The following POLR2H variants were observed in gnomAD, a reference collection of about 807,000 sequenced individuals.
The protein encoded by POLR2H is RNA polymerase II, I and III subunit H.
Under a neutral mutation model 18.1 loss-of-function variants are expected in POLR2H, and 3 were observed. The ratio of observed to expected loss-of-function variants is 0.17; its 90% CI spans 0.08 to 0.43. POLR2H has a LOEUF of 0.43. Ranked by LOEUF, POLR2H falls within the 20% of genes least tolerant of loss-of-function variation. The pLI is 0.99. For missense variants in POLR2H, 103 were observed against 184.6 expected (o/e 0.56, Z 2.56); for synonymous variants, 76 against 69.0 (o/e 1.10, Z -0.50).
At position 184,365,396 on chromosome 3, in the gene POLR2H, C is replaced by G. The variant is rs903359860; in HGVS notation, c.251+170C>G. Reference sequence around the variant, plus strand: ...TTCAAACAGGCCAGGCACCGTGGCTCACACCTGTAACCCAAGCACTTTGGG... The same window carrying G: ...TTCAAACAGGCCAGGCACCGTGGCTGACACCTGTAACCCAAGCACTTTGGG... On this transcript the variant is annotated intron_variant, in intron 4 of 5. Coordinates refer to ENST00000456318, the MANE Select transcript of POLR2H (RefSeq NM_006232.5). 1.6e-5 allele frequency: 10 copies of G among 634,484 alleles called. 1 individual carries two copies. The highest frequency in any genetic ancestry group is 1.3e-4 in the African/African-American group (7 of 55,094). 39.3% of individuals were successfully genotyped at this position (634,484 alleles called of 1,614,324 possible).
chr3:184,367,573 G>A (rs532787842), intron 5 of POLR2H, among the ~76,000 whole-genome samples: 71 of 150,820 alleles, frequency 4.7e-4, no homozygotes, highest in African/African-American at 1.6e-3. Flanking sequence ...TGCAAGCTCC[G>A]CCTCCCGGGT....
At position 184,365,203 on chromosome 3, in the gene POLR2H, C is replaced by A; in HGVS notation, c.228C>A (p.Asn76Lys). 6.2e-7 allele frequency: 1 copy of A among 1,610,980 alleles called. No individual in the cohort carries two copies. The highest frequency in any genetic ancestry group is 8.5e-7 in the Non-Finnish European group (1 of 1,177,136). Residue 76 changes from asparagine to lysine, a missense_variant, in exon 4 of 6, where the codon AAC (asparagine) becomes AAA (lysine). Coordinates refer to ENST00000456318, the MANE Select transcript of POLR2H (RefSeq NM_006232.5). ...GTACCCTGGATGATGGTGAATACAA[C>A]CCCACTGATGATAGGCCTTCCAGGT... is the stretch of plus-strand genomic sequence containing the variant. ...EDGTLDDGEYNPTDDRPSRAD... is the reference protein window; with the variant it reads ...EDGTLDDGEYKPTDDRPSRAD...
At chr3:184,365,920 G>T (rs1577344994) in intron 4 of POLR2H, among the ~76,000 whole-genome samples, 1 of 147,542 alleles carries the variant, frequency 6.8e-6, no homozygotes, top group East Asian at 2.0e-4. Context: ...AGCTTGCAGT[G>T]AGCCGAGATC....
chr3:184,367,942 A>G (rs1413437196), intron 5 of POLR2H, among the ~76,000 whole-genome samples: 3 of 132,498 alleles, frequency 2.3e-5, no homozygotes, highest in African/African-American at 6.0e-5. Flanking sequence ...ATATCTGTGC[A>G]TTGATGTTTG....
intron 4 of POLR2H, among the ~76,000 whole-genome samples, chr3:184,365,868 T>C (rs937376145): frequency 1.4e-5 from 2 of 145,154 alleles, no homozygotes; most frequent in East Asian, 2.0e-4. Flanking sequence ...CCCAGCTACT[T>C]GGGAGGCTGA....
rs1291722817 is a variant in POLR2H at position 184,366,463 on chromosome 3, G to A, written c.252-254G>A. On this transcript the variant is annotated intron_variant, in intron 4 of 5. Transcript: ENST00000456318. The stretch of plus-strand genomic sequence containing the variant: ...CGCCATTCTCCTACCTCAGCCTCCT[G>A]AGTAGCTGGGACTACAGGAGCCCAC... 1.1e-5 allele frequency: 3 copies of A among 265,810 alleles called. No homozygotes were observed. In the East Asian group the frequency reaches 3.0e-4, roughly 27 times the overall value. 16.5% of individuals were successfully genotyped at this position (265,810 alleles called of 1,614,324 possible). A position where few individuals can be genotyped will look rare whatever the true frequency, so the allele number is the denominator to read the frequency against.
intron 2 of POLR2H, among the ~76,000 whole-genome samples, chr3:184,364,007 C>A (rs1049283603): frequency 2.6e-5 from 4 of 152,086 alleles, no homozygotes; most frequent in African/African-American, 7.2e-5. Context: ...GCCAAGATCG[C>A]GCCACTGCAC....
Position 184,366,725 on chromosome 3 carries a change from A to T in POLR2H, c.260A>T (p.Gln87Leu). 6.3e-7 allele frequency: 1 copy of T among 1,590,602 alleles called. No homozygotes were observed. Among genetic ancestry groups the T allele is most frequent in the African/African-American group, 1.3e-5 (1 of 74,610 alleles). ...CTGCTATTGCTCCATAGGGCTGACC[A>T]GTTTGAGTATGTAATGTATGGAAAA... is the stretch of plus-strand genomic sequence containing the variant. ...PTDDRPSRADQFEYVMYGKVY... is the reference protein window; with the variant it reads ...PTDDRPSRADLFEYVMYGKVY... The change falls in exon 5 of 6, where the codon CAG becomes CTG. Residue 87 changes from glutamine to leucine, a missense_variant. Transcript: ENST00000456318.
chr3:184,363,957 A>G (rs971656803), intron 2 of POLR2H, among the ~76,000 whole-genome samples: 24 of 152,168 alleles, frequency 1.6e-4, no homozygotes, highest in Non-Finnish European at 1.5e-4. Context: ...AGGCTAAGGC[A>G]GGAGAATTGC....
chr3:184,361,758 G>A lies in POLR2H; in HGVS notation c.-1009G>A, dbSNP rs1444447108. The A allele has an allele frequency of 1.2e-5, 2 of 172,750 alleles. No homozygotes were observed. Among genetic ancestry groups the A allele is most frequent in the African/African-American group, 2.4e-5 (1 of 41,872 alleles). The allele number at this position is 172,750 out of a possible 1,614,324, so 10.7% of individuals were successfully genotyped here. A position where few individuals can be genotyped will look rare whatever the true frequency, so the allele number is the denominator to read the frequency against. On this transcript the variant is annotated 5_prime_UTR_variant, in exon 1 of 6. Coordinates refer to ENST00000456318, the MANE Select transcript of POLR2H (RefSeq NM_006232.5). The surrounding 1 kb of genome is among the most constrained non-coding windows in gnomAD (Gnocchi z 6.6). ...GGCTGGGGTCCGCGCGGGGCCTCCC[G>A]AGAGGCGGCAAGGGGCGCTGGGAAG... is the stretch of plus-strand genomic sequence containing the variant.
intron 4 of POLR2H, 87 bp from the exon 5 acceptor site, chr3:184,366,630 G>A (rs1713348881): frequency 6.3e-6 from 5 of 789,500 alleles, no homozygotes; most frequent in South Asian, 2.9e-5. Context: ...GAGCCACCAC[G>A]CCCGGCTGAC....
chr3:184,365,509 G>GAC, intron 4 of POLR2H: 1 of 332,648 alleles, frequency 3.0e-6, no homozygotes, highest in Non-Finnish European at 5.5e-6. Context: ...AAAAAGAAGA[G>GAC]AGAAAAAAAA....
chr3:184,368,458 GT>G lies in POLR2H; in HGVS notation c.*165del. The stretch of plus-strand genomic sequence containing the variant: ...CACTCAATGGGAAACTGACTCGCCT[GT>G]GAAAGACACAGTGGGAGAGCTGAAA... On this transcript the variant is annotated 3_prime_UTR_variant, in exon 6 of 6. Transcript: ENST00000456318. The G allele has an allele frequency of 2.0e-6, 1 of 512,288 alleles. No homozygotes were observed. The highest frequency in any genetic ancestry group is 3.4e-6 in the Non-Finnish European group (1 of 291,690). The allele number at this position is 512,288 out of a possible 1,614,324, so 31.7% of individuals were successfully genotyped here.
chr3:184,366,623 C>A (rs1258331994), intron 4 of POLR2H, 94 bp from the exon 5 acceptor site: 7 of 733,796 alleles, frequency 9.5e-6, no homozygotes, highest in South Asian at 1.5e-5. Flanking sequence ...CAGGCTTGAG[C>A]CACCACGCCC....
chr3:184,365,839 A>G (rs1415195849), intron 4 of POLR2H, among the ~76,000 whole-genome samples: 2 of 147,200 alleles, frequency 1.4e-5, no homozygotes, highest in East Asian at 2.0e-4. Flanking sequence ...AGCCGGGCGT[A>G]GTGGCGGGCG....
chr3:184,363,559 G>T lies in POLR2H; in HGVS notation c.67G>T (p.Asp23Tyr). ...KDIDPEGKKF[D>Y]RVSRLHCESE... Reference sequence around the variant, plus strand: ...TATTGACCCGGAGGGCAAGAAGTTTGACCGAGGTAAGTAAGGTATGTAGGG... The same window carrying T: ...TATTGACCCGGAGGGCAAGAAGTTTTACCGAGGTAAGTAAGGTATGTAGGG... The change falls in exon 2 of 6, where the codon GAC becomes TAC. Residue 23 changes from aspartate to tyrosine, a missense_variant. Transcript: ENST00000456318. The T allele has an allele frequency of 2.5e-6, 4 of 1,613,724 alleles. No homozygotes were observed. In the South Asian group the frequency reaches 4.4e-5, roughly 18 times the overall value.
intron 5 of POLR2H, among the ~76,000 whole-genome samples, chr3:184,367,942 A>T (rs1413437196): frequency 7.5e-6 from 1 of 132,498 alleles, no homozygotes; most frequent in Non-Finnish European, 1.7e-5. Flanking sequence ...ATATCTGTGC[A>T]TTGATGTTTG....
At position 184,364,952 on chromosome 3, in the gene POLR2H, C is replaced by T. The variant is rs765388441; in HGVS notation, c.74-14C>T. ...TGGCAATACCTCTGTCACTCTTTTC[C>T]TGCTTCTCCCCAGTGTCTCGACTGC... is the stretch of plus-strand genomic sequence containing the variant. On this transcript the variant is annotated splice_polypyrimidine_tract_variant and intron_variant, in intron 2 of 5. Coordinates refer to ENST00000456318, the MANE Select transcript of POLR2H (RefSeq NM_006232.5). 3 of 1,587,818 alleles carry T rather than the reference C, an allele frequency of 1.9e-6. No homozygotes were observed. In the Admixed American group the frequency reaches 5.0e-5, roughly 26 times the overall value.
intron 4 of POLR2H, 34 bp from the exon 5 acceptor site, chr3:184,366,683 T>G (rs1713359098): frequency 8.2e-7 from 1 of 1,216,064 alleles, no homozygotes; most frequent in Non-Finnish European, 1.2e-6. Flanking sequence ...TGTTAATTAC[T>G]GTTAAGAATA....
Sources: allele counts gnomAD v4.1 joint callset (sites outside exome capture counted in the v4.1 genomes callset), GRCh38; gene constraint gnomAD v4.1.1; non-coding constraint Gnocchi (gnomAD v3.1); transcripts MANE v1.5; gene names NCBI Gene and HGNC (gene_info 2026-07-23, HGNC 2026-07-21).